Variants in DDX59 observed in about 807,000 individuals in gnomAD.
DDX59 encodes the protein DEAD-box helicase 59, also known as probable ATP-dependent RNA helicase DDX59.
A neutral mutation model predicts 51.9 loss-of-function variants in DDX59; 30 were observed. That is an observed-to-expected ratio of 0.58 (90% CI 0.43 to 0.78). DDX59 has a LOEUF of 0.78. Among genes scored for constraint, DDX59 ranks in the 30% least tolerant of loss-of-function variants. The pLI is 0.00. For synonymous variants in DDX59, 255 were observed against 253.3 expected (o/e 1.01, Z -0.06); for missense variants, 672 against 730.8 (o/e 0.92, Z 0.93).
intron 4 of DDX59, among the ~76,000 whole-genome samples, chr1:200,651,300 T>TC (rs1296903246): frequency 1.2e-4 from 19 of 152,004 alleles, no homozygotes; most frequent in African/African-American, 4.6e-4. Flanking sequence ...ACTGTGGTGA[T>TC]CCCCCCTAAA....
chr1:200,650,028 T>A (rs1661555205), intron 5 of DDX59, among the ~76,000 whole-genome samples: 1 of 151,960 alleles, frequency 6.6e-6, no homozygotes, highest in African/African-American at 2.4e-5. Context: ...GTATTTTTAG[T>A]AGAGACGGGG....
At chr1:200,665,843 A>C (rs1299040817) in intron 2 of DDX59, 94 bp downstream of exon 2, 2 of 1,341,368 alleles carry the variant, frequency 1.5e-6, no homozygotes, top group Non-Finnish European at 2.0e-6. Flanking sequence ...ATTTAGTTTT[A>C]GTCTGCAATT....
At chr1:200,654,882 T>A (rs1661914234) in intron 4 of DDX59, 1 of 152,208 alleles carries the variant, frequency 6.6e-6, no homozygotes, top group Admixed American at 6.5e-5. Context: ...CATTCTCAGT[T>A]CCTCTCTGGT....
At chr1:200,653,068 C>T (rs1661771305) in intron 4 of DDX59, among the ~76,000 whole-genome samples, 1 of 152,186 alleles carries the variant, frequency 6.6e-6, no homozygotes, top group Non-Finnish European at 1.5e-5. Context: ...ATTGGGGAGC[C>T]CCATGGGCTG....
intron 4 of DDX59, among the ~76,000 whole-genome samples, chr1:200,657,122 T>G (rs995892401): frequency 6.6e-6 from 1 of 151,912 alleles, no homozygotes; most frequent in South Asian, 2.1e-4. Flanking sequence ...TGGTGGCACA[T>G]GCCTGTAATC....
chr1:200,666,873 C>T lies in DDX59; in HGVS notation c.-11-122G>A, dbSNP rs972136651. 16 of 954,708 alleles carry T rather than the reference C, an allele frequency of 1.7e-5. 1 individual carries two copies. Among genetic ancestry groups the T allele is most frequent in the South Asian group, 1.4e-4 (8 of 57,138 alleles). 59.1% of individuals were successfully genotyped at this position (954,708 alleles called of 1,614,324 possible). The stretch of plus-strand genomic sequence containing the variant: ...CTGTAATCCCAGCACTTTGGGAGGC[C>T]GAGGCAGGCAGATCACTTGAGGTCA... On this transcript the variant is annotated intron_variant, in intron 1 of 7. Coordinates refer to ENST00000331314, the MANE Select transcript of DDX59 (RefSeq NM_001031725.6).
chr1:200,644,380 G>A lies in DDX59; in HGVS notation c.1734C>T (p.Ser578=). Residue 578 remains serine, a synonymous_variant, in exon 8 of 8, where the codon TCC becomes TCT. Transcript: ENST00000331314. ...TTCTCTTCTGGTCATGAAGGTATGG[G>A]GAATTTAATAACTGAGGGGGAAGAA... ...GSILPPQLLN[S]PYLHDQKRKE... The A allele has an allele frequency of 2.5e-6, 4 of 1,613,824 alleles. No individual in the cohort carries two copies. The highest frequency in any genetic ancestry group is 3.4e-6 in the Non-Finnish European group (4 of 1,179,916).
intron 4 of DDX59, 46 bp from the exon 5 acceptor site, chr1:200,650,722 C>T (rs533534148): frequency 3.9e-5 from 57 of 1,474,584 alleles, no homozygotes; most frequent in Non-Finnish European, 4.2e-5. Context: ...ACATTAAAAC[C>T]CAGAACCACC....
chr1:200,666,714 G>C lies in DDX59; in HGVS notation c.27C>G (p.Ile9Met), dbSNP rs766385057. The C allele has an allele frequency of 9.3e-6, 15 of 1,611,078 alleles. No individual in the cohort carries two copies. The Admixed American group carries it at 2.5e-4, about 27-fold the overall frequency. Residue 9 changes from isoleucine (I) to methionine (M), a missense_variant, in exon 2 of 8, where the codon ATC becomes ATG. By Grantham distance (10) the Ile-to-Met change is conservative. Transcript: ENST00000331314. ...TGCCATCATCATTAGCATTCCTCTTGATTTTTAGAGATCTTGGAACAAACA... is the reference window on the plus strand; with the variant it reads ...TGCCATCATCATTAGCATTCCTCTTCATTTTTAGAGATCTTGGAACAAACA... The part of the protein sequence containing the change: MFVPRSLK[I>M]KRNANDDGKS...
At chr1:200,641,043 T>C (rs1661033732), downstream of DDX59, 3 of 529,384 alleles carry the variant, frequency 5.7e-6, no homozygotes, top group South Asian at 1.7e-5. Context: ...ATTGTAAGTA[T>C]GCCTTGGCGG....
At chr1:200,642,483 A>G (rs988550772), downstream of DDX59, among the ~76,000 whole-genome samples, 2 of 152,192 alleles carry the variant, frequency 1.3e-5, no homozygotes, top group African/African-American at 4.8e-5. Context: ...ACTGGGACCA[A>G]ATTTTTTTAA....
chr1:200,650,916 T>C (rs1166888041), intron 4 of DDX59, among the ~76,000 whole-genome samples: 3 of 152,222 alleles, frequency 2.0e-5, no homozygotes, highest in Non-Finnish European at 4.4e-5. Flanking sequence ...CAAAAAGCTA[T>C]ATACATTCTA....
At chr1:200,648,246 T>C (rs1018203962) in intron 7 of DDX59, among the ~76,000 whole-genome samples, 193 bp downstream of exon 7, 1 of 152,090 alleles carries the variant, frequency 6.6e-6, no homozygotes, top group African/African-American at 2.4e-5. Flanking sequence ...CAGGTTGGTC[T>C]GTGAACCCCT....
At chr1:200,650,794 A>G in intron 4 of DDX59, 118 bp from the exon 5 acceptor site, 9 of 898,734 alleles carry the variant, frequency 1.0e-5, no homozygotes, top group Non-Finnish European at 1.3e-5. Flanking sequence ...AGAAAACTAT[A>G]CCACAATGTC....
Position 200,644,352 on chromosome 1 carries a change from C to T in DDX59, c.1762G>A (p.Glu588Lys), listed in dbSNP as rs1221047071. 5 of 1,613,650 alleles carry T rather than the reference C, an allele frequency of 3.1e-6. No homozygotes were observed. Among genetic ancestry groups the T allele is most frequent in the South Asian group, 2.2e-5 (2 of 91,036 alleles). Residue 588 changes from glutamate (E) to lysine (K), a missense_variant, in exon 8 of 8, where the codon GAA becomes AAA. Glu to Lys is a moderately conservative substitution (Grantham distance 56). Coordinates refer to ENST00000331314, the MANE Select transcript of DDX59 (RefSeq NM_001031725.6). ...TGTGTCTGTTTATCTTTCTGTTGTTCCTTTCTCTTCTGGTCATGAAGGTAT... is the reference window on the plus strand; with the variant it reads ...TGTGTCTGTTTATCTTTCTGTTGTTTCTTTCTCTTCTGGTCATGAAGGTAT... ...SPYLHDQKRKEQQKDKQTQND... is the reference protein window; with the variant it reads ...SPYLHDQKRKKQQKDKQTQND...
intron 2 of DDX59, among the ~76,000 whole-genome samples, chr1:200,665,324 G>A (rs1444568954): frequency 2.6e-5 from 4 of 151,780 alleles, no homozygotes; most frequent in African/African-American, 9.7e-5. Context: ...GCATGGTGGC[G>A]TATGCCTATA....
intron 4 of DDX59, among the ~76,000 whole-genome samples, chr1:200,652,148 A>C (rs1275151766): frequency 1.3e-5 from 2 of 151,674 alleles, no homozygotes; most frequent in Non-Finnish European, 2.9e-5. Context: ...CTTTTAAACT[A>C]TTACGGCATG....
Position 200,644,426 on chromosome 1 carries a change from C to T in DDX59, c.1688G>A (p.Arg563Gln), listed in dbSNP as rs759640859. ...SKRLFWDIAK[R>Q]VKPTGSILPP... ...AAGAATGGATCCTGTGGGCTTTACTCGTTTTGCAATATCCCAGAAGAGTCT... is the reference window on the plus strand; with the variant it reads ...AAGAATGGATCCTGTGGGCTTTACTTGTTTTGCAATATCCCAGAAGAGTCT... Residue 563 changes from arginine to glutamine, a missense_variant, in exon 8 of 8, where the codon CGA becomes CAA. Physicochemically the swap from Arg to Gln is conservative, Grantham distance 43. Coordinates refer to ENST00000331314, the MANE Select transcript of DDX59 (RefSeq NM_001031725.6). 1.2e-5 allele frequency: 20 copies of T among 1,613,634 alleles called. No homozygotes were observed. The highest frequency in any genetic ancestry group is 8.9e-5 in the East Asian group (4 of 44,838).
At chr1:200,641,073 G>T, downstream of DDX59, 1 of 861,498 alleles carries the variant, frequency 1.2e-6, no homozygotes, top group Non-Finnish European at 1.7e-6. Flanking sequence ...AGTCCTATCT[G>T]TCCGGAGTCA....
Sources: allele counts gnomAD v4.1 joint callset (sites outside exome capture counted in the v4.1 genomes callset), GRCh38; gene constraint gnomAD v4.1.1; transcripts MANE v1.5; gene names NCBI Gene and HGNC (gene_info 2026-07-23, HGNC 2026-07-21).